The following UGGT1 variants were observed in gnomAD, a reference collection of about 807,000 sequenced individuals.
The protein encoded by UGGT1 is UDP-glucose:glycoprotein glucosyltransferase 1.
Under a neutral mutation model 203.9 loss-of-function variants are expected in UGGT1, and 107 were observed. The observed-to-expected ratio is 0.52, with a 90% CI of 0.45 to 0.62. UGGT1 has a LOEUF of 0.62. Among genes scored for constraint, UGGT1 ranks in the 20% least tolerant of loss-of-function variants. UGGT1 has a pLI of 0.00. For synonymous variants in UGGT1, 628 were observed against 653.5 expected (o/e 0.96, Z 0.59); for missense variants, 1,673 against 1,867.2 (o/e 0.90, Z 1.92).
intron 25 of UGGT1, among the ~76,000 whole-genome samples, chr2:128,162,690 T>G (rs1690584370): frequency 6.6e-6 from 1 of 152,154 alleles, no homozygotes; most frequent in Admixed American, 6.5e-5. Context: ...TTCCCTGATG[T>G]AGGTCAGGAG....
At position 128,157,253 on chromosome 2, in the gene UGGT1, T is replaced by A; in HGVS notation, c.2262T>A (p.Asp754Glu). The change falls in exon 22 of 41, where the codon GAT becomes GAA. Residue 754 changes from aspartate (D) to glutamate (E), a missense_variant and splice_region_variant. Asp to Glu is a conservative substitution (Grantham distance 45). Coordinates refer to ENST00000259253, the MANE Select transcript of UGGT1 (RefSeq NM_020120.4). ...KKGMSSKEIY[D>E]DSFIRPVTFW... ...TTAGCTGTTTTTGTTTTTCTACAGA[T>A]GATTCTTTTATTAGGCCAGTAACTT... is the stretch of plus-strand genomic sequence containing the variant. The A allele has an allele frequency of 6.2e-7, 1 of 1,613,410 alleles. No homozygotes were observed. Among genetic ancestry groups the A allele is most frequent in the Non-Finnish European group, 8.5e-7 (1 of 1,179,378 alleles).
chr2:128,135,838 CAG>C (rs748878451), intron 15 of UGGT1, among the ~76,000 whole-genome samples: 1 of 152,196 alleles, frequency 6.6e-6, no homozygotes, highest in African/African-American at 2.4e-5. Context: ...TTGAGGAAAA[CAG>C]AGGGTTCTGA....
At chr2:128,119,860 A>T (rs1688295491) in intron 8 of UGGT1, among the ~76,000 whole-genome samples, 1 of 152,088 alleles carries the variant, frequency 6.6e-6, no homozygotes. Flanking sequence ...TTAAGAACAA[A>T]GGAAAACAAA....
At chr2:128,127,188 A>G (rs559818505) in intron 11 of UGGT1, among the ~76,000 whole-genome samples, 173 bp from the exon 12 acceptor site, 1 of 152,174 alleles carries the variant, frequency 6.6e-6, no homozygotes, top group African/African-American at 2.4e-5. Flanking sequence ...ATGTGTATAC[A>G]CTGTGGTATT....
intron 37 of UGGT1, 124 bp downstream of exon 37, chr2:128,182,414 C>T (rs904261947): frequency 3.1e-5 from 39 of 1,273,706 alleles, no homozygotes; most frequent in Non-Finnish European, 3.8e-5. Context: ...AAAAAATACA[C>T]AGTGGCTGGG....
chr2:128,170,145 A>G, intron 26 of UGGT1, 143 bp from the exon 27 acceptor site: 2 of 637,368 alleles, frequency 3.1e-6, no homozygotes, highest in Non-Finnish European at 5.5e-6. Flanking sequence ...AGACAGAATC[A>G]TATAGTTGGC....
intron 2 of UGGT1, among the ~76,000 whole-genome samples, chr2:128,099,909 G>T (rs72845146): frequency 6.6e-6 from 1 of 151,832 alleles, no homozygotes; most frequent in Admixed American, 6.6e-5. Flanking sequence ...GAGACTGCCT[G>T]AGCTGGACTG....
chr2:128,183,909 GGTGTGTGTGTGTGT>G (rs558911313), intron 38 of UGGT1, 120 bp downstream of exon 38: 5 of 340,396 alleles, frequency 1.5e-5, no homozygotes, highest in South Asian at 4.3e-5. Context: ...GTTTTTTCAT[GGTGTGTGTGTGTGT>G]GTGTGTGTGT....
intron 24 of UGGT1, 75 bp downstream of exon 24, chr2:128,160,666 A>G (rs1372089037): frequency 6.6e-6 from 10 of 1,520,928 alleles, no homozygotes; most frequent in Middle Eastern, 1.7e-4. Flanking sequence ...GAAGCTAGTA[A>G]ACTCTTCAGA....
At chr2:128,171,113 A>C (rs569270158) in intron 27 of UGGT1, 92 bp from the exon 28 acceptor site, 1 of 1,180,464 alleles carries the variant, frequency 8.5e-7, no homozygotes, top group African/African-American at 1.5e-5. Flanking sequence ...TTATCTTTAT[A>C]TCTTTTCTTG....
At chr2:128,094,882 G>A (rs1687040768) in intron 1 of UGGT1, among the ~76,000 whole-genome samples, 1 of 151,558 alleles carries the variant, frequency 6.6e-6, no homozygotes, top group African/African-American at 2.4e-5. Context: ...CTGAGTAGCT[G>A]GGATTACAGG....
At chr2:128,113,694 G>T (rs1687970375) in intron 6 of UGGT1, among the ~76,000 whole-genome samples, 1 of 26,492 alleles carries the variant, frequency 3.8e-5, no homozygotes, top group Non-Finnish European at 3.1e-4. Context: ...TTAAGACTCT[G>T]TGTAGGCCGG....
intron 22 of UGGT1, among the ~76,000 whole-genome samples, 154 bp from the exon 23 acceptor site, chr2:128,159,360 A>T (rs1228572877): frequency 6.6e-6 from 1 of 152,044 alleles, no homozygotes; most frequent in Non-Finnish European, 1.5e-5. Flanking sequence ...TGGCTTTCCA[A>T]AGTGCTGGGA....
rs760833073 is a variant in UGGT1, at chr2:128,176,943, C to T, written c.3624+45C>T. 1.3e-5 allele frequency: 21 copies of T among 1,557,560 alleles called. 1 individual carries two copies. The South Asian group carries it at 2.4e-4, about 17-fold the overall frequency. Reference sequence around the variant, plus strand: ...TGGCATTCTGTTATTGGACAGCTGTCATTTAAAAATATGTATCTTGGAACC... The same window carrying T: ...TGGCATTCTGTTATTGGACAGCTGTTATTTAAAAATATGTATCTTGGAACC... On this transcript the variant is annotated intron_variant, in intron 32 of 40. Transcript: ENST00000259253.
chr2:128,138,930 C>G, intron 16 of UGGT1, 78 bp downstream of exon 16: 2 of 1,561,500 alleles, frequency 1.3e-6, no homozygotes, highest in Non-Finnish European at 1.7e-6. Context: ...TCATTGTATG[C>G]TAGGCAGCTG....
At chr2:128,096,692 G>A (rs1687130473) in intron 1 of UGGT1, among the ~76,000 whole-genome samples, 3 of 152,180 alleles carry the variant, frequency 2.0e-5, no homozygotes, top group Admixed American at 6.5e-5. Flanking sequence ...GACATTACGA[G>A]GTACCGGGGG....
Position 128,173,827 on chromosome 2 carries a change from T to G in UGGT1, c.3341T>G (p.Leu1114Arg), listed in dbSNP as rs769208172. 4 of 1,614,182 alleles carry G rather than the reference T, an allele frequency of 2.5e-6. No homozygotes were observed. Among genetic ancestry groups the G allele is most frequent in the Non-Finnish European group, 3.4e-6 (4 of 1,180,030 alleles). Reference sequence around the variant, plus strand: ...GAGTATGAGCTGGAATACCTGTTACTGGAAGGTCATTGCTACGACATCACC... The same window carrying G: ...GAGTATGAGCTGGAATACCTGTTACGGGAAGGTCATTGCTACGACATCACC... The part of the protein sequence containing the change: ...AAEYELEYLL[L>R]EGHCYDITTG... The change falls in exon 30 of 41, where the codon CTG (leucine) becomes CGG (arginine). Residue 1114 changes from leucine to arginine, a missense_variant. By Grantham distance (102) the Leu-to-Arg change is moderately radical. Coordinates refer to ENST00000259253, the MANE Select transcript of UGGT1 (RefSeq NM_020120.4).
At chr2:128,095,373 C>A (rs565139240) in intron 1 of UGGT1, among the ~76,000 whole-genome samples, 26 of 150,570 alleles carry the variant, frequency 1.7e-4, no homozygotes, top group African/African-American at 6.1e-4. Flanking sequence ...TCTTCTTCCT[C>A]TTCCCCTTCC....
chr2:128,176,805 C>G lies in UGGT1; in HGVS notation c.3540-9C>G. The stretch of plus-strand genomic sequence containing the variant: ...GCCTTGTAATATTGATCTTTCTTTT[C>G]TCGCAAAGCCACGATGGCACTGATT... On this transcript the variant is annotated splice_polypyrimidine_tract_variant and intron_variant, in intron 31 of 40. Transcript: ENST00000259253. 6.2e-7 allele frequency: 1 copy of G among 1,613,076 alleles called. No individual in the cohort carries two copies. The highest frequency in any genetic ancestry group is 8.5e-7 in the Non-Finnish European group (1 of 1,179,574).
Sources: allele counts gnomAD v4.1 joint callset (sites outside exome capture counted in the v4.1 genomes callset), GRCh38; gene constraint gnomAD v4.1.1; transcripts MANE v1.5; gene names NCBI Gene and HGNC (gene_info 2026-07-23, HGNC 2026-07-21).